The following TMEM217B variants were observed in gnomAD, a reference collection of about 807,000 sequenced individuals.
TMEM217B encodes transmembrane protein 217B, also known as putative transmembrane protein 217B.
chr6:37,226,576 C>T, the TMEM217B span, among the ~76,000 whole-genome samples: 1,093 of 150,436 alleles, frequency 7.3e-3, 6 homozygotes, highest in Middle Eastern at 0.011. Flanking sequence ...GGATTACAGG[C>T]GTGAGCCACT....
At chr6:37,250,467 T>C in the TMEM217B span, among the ~76,000 whole-genome samples, 5 of 152,234 alleles carry the variant, frequency 3.3e-5, no homozygotes, top group South Asian at 1.0e-3. Flanking sequence ...TGTGGAGCAA[T>C]GTAAACTCAC....
the TMEM217B span, among the ~76,000 whole-genome samples, chr6:37,252,389 G>A: frequency 6.6e-6 from 1 of 151,872 alleles, no homozygotes; most frequent in Admixed American, 6.6e-5. Flanking sequence ...CATATGGCTG[G>A]CAAAGCCTAA....
At chr6:37,230,023 T>A in the TMEM217B span, among the ~76,000 whole-genome samples, 3 of 152,342 alleles carry the variant, frequency 2.0e-5, no homozygotes, top group East Asian at 5.8e-4. Flanking sequence ...TTTCCTTGCA[T>A]TTGTAGAACA....
the TMEM217B span, among the ~76,000 whole-genome samples, chr6:37,246,755 A>G: frequency 6.6e-6 from 1 of 152,046 alleles, no homozygotes; most frequent in Non-Finnish European, 1.5e-5. Flanking sequence ...AATTTTAAAA[A>G]TTAGCTGATG....
the TMEM217B span, among the ~76,000 whole-genome samples, chr6:37,214,846 A>T: frequency 6.6e-6 from 1 of 152,138 alleles, no homozygotes; most frequent in Admixed American, 6.6e-5. Flanking sequence ...GGAGGGAGGC[A>T]GTGTGTTGTC....
the TMEM217B span, among the ~76,000 whole-genome samples, chr6:37,214,884 C>T: frequency 2.0e-5 from 3 of 152,168 alleles, no homozygotes; most frequent in South Asian, 2.1e-4. Flanking sequence ...GATGCTTCCC[C>T]GTCTGCACCA....
chr6:37,241,674 A>G, the TMEM217B span, among the ~76,000 whole-genome samples: 1 of 152,164 alleles, frequency 6.6e-6, no homozygotes. Flanking sequence ...AGAGAGATTG[A>G]ATTTTTTTCT....
At chr6:37,226,432 A>T in the TMEM217B span, among the ~76,000 whole-genome samples, 2 of 150,452 alleles carry the variant, frequency 1.3e-5, no homozygotes, top group South Asian at 4.2e-4. Flanking sequence ...AGCTGGGACT[A>T]TAGGCGCCTG....
the TMEM217B span, chr6:37,257,872 G>C: frequency 1.2e-6 from 2 of 1,601,170 alleles, no homozygotes; most frequent in Non-Finnish European, 8.5e-7. Flanking sequence ...GCATCTCGCC[G>C]GGCAAACCCT....
At chr6:37,226,213 C>T in the TMEM217B span, among the ~76,000 whole-genome samples, 1 of 151,744 alleles carries the variant, frequency 6.6e-6, no homozygotes, top group East Asian at 1.9e-4. Context: ...AGATATCTCC[C>T]CTTTATCTCA....
At chr6:37,249,064 C>A in the TMEM217B span, among the ~76,000 whole-genome samples, 2 of 152,168 alleles carry the variant, frequency 1.3e-5, no homozygotes, top group African/African-American at 4.8e-5. Context: ...TAAAACAACA[C>A]TTGTCATTGG....
the TMEM217B span, among the ~76,000 whole-genome samples, chr6:37,249,796 G>A: frequency 8.3e-4 from 127 of 152,336 alleles, no homozygotes; most frequent in Non-Finnish European, 1.5e-3. Flanking sequence ...CATCCCATGT[G>A]GTTGGAAGTG....
chr6:37,234,267 C>T, the TMEM217B span, among the ~76,000 whole-genome samples: 6 of 151,880 alleles, frequency 4.0e-5, no homozygotes, highest in Non-Finnish European at 7.4e-5. Flanking sequence ...ACCCAGCTAA[C>T]TTTTGTATTT....
At chr6:37,242,694 CT>C in the TMEM217B span, among the ~76,000 whole-genome samples, 1 of 152,168 alleles carries the variant, frequency 6.6e-6, no homozygotes, top group African/African-American at 2.4e-5. Context: ...GTATCTAATA[CT>C]CCCACTTCCT....
the TMEM217B span, chr6:37,217,503 A>T: frequency 2.5e-6 from 1 of 397,600 alleles, no homozygotes; most frequent in Non-Finnish European, 3.4e-6. Flanking sequence ...AATGTTCAGT[A>T]CAGTGTTCAC....
the TMEM217B span, among the ~76,000 whole-genome samples, chr6:37,236,004 T>C: frequency 6.6e-5 from 10 of 152,170 alleles, no homozygotes; most frequent in African/African-American, 1.9e-4. Context: ...AAAATATTCA[T>C]ACTAGAAAAA....
chr6:37,218,067 G>A, the TMEM217B span: 7 of 1,004,744 alleles, frequency 7.0e-6, no homozygotes, highest in African/African-American at 1.7e-5. Flanking sequence ...AAAGTGGGGG[G>A]AAAAAAGGAA....
chr6:37,237,087 A>C, the TMEM217B span, among the ~76,000 whole-genome samples: 1 of 152,166 alleles, frequency 6.6e-6, no homozygotes, highest in East Asian at 1.9e-4. Flanking sequence ...TCCCATAGCA[A>C]CACGTTTCCT....
the TMEM217B span, among the ~76,000 whole-genome samples, chr6:37,213,333 A>G: frequency 6.6e-6 from 1 of 152,258 alleles, no homozygotes; most frequent in East Asian, 1.9e-4. Context: ...TATTGAGGAT[A>G]ACGATGGTAT....
Sources: allele counts gnomAD v4.1 joint callset (sites outside exome capture counted in the v4.1 genomes callset), GRCh38; gene constraint gnomAD v4.1.1; transcripts MANE v1.5; gene names NCBI Gene and HGNC (gene_info 2026-07-23, HGNC 2026-07-21).